Variants in SKAP1 observed in about 807,000 individuals in gnomAD.
The protein encoded by SKAP1 is src kinase associated phosphoprotein 1.
SKAP1 carries 44 observed loss-of-function variants against 58.5 expected under a neutral mutation model. The observed-to-expected ratio is 0.75, with a 90% CI of 0.59 to 0.97. The LOEUF (loss-of-function observed/expected upper bound fraction) is 0.97, where lower values mean the gene tolerates loss of function less well. SKAP1 is among the 50% of genes least tolerant of loss of function. The pLI, the probability that SKAP1 is intolerant of heterozygous loss-of-function variation, is 0.00. For synonymous variants in SKAP1, 127 were observed against 149.7 expected (o/e 0.85, Z 1.11); for missense variants, 390 against 435.2 (o/e 0.90, Z 0.92).
At chr17:48,303,588 C>T (rs749165535) in intron 4 of SKAP1, among the ~76,000 whole-genome samples, 7 of 152,250 alleles carry the variant, frequency 4.6e-5, no homozygotes, top group Admixed American at 6.5e-5. Context: ...TTAAAGGGAC[C>T]GCTTTCCTTC....
chr17:48,367,281 G>T (rs1364947901), intron 2 of SKAP1, among the ~76,000 whole-genome samples: 1 of 151,854 alleles, frequency 6.6e-6, no homozygotes, highest in Non-Finnish European at 1.5e-5. Context: ...TTTATTCCTG[G>T]TAATACTATA....
intron 4 of SKAP1, among the ~76,000 whole-genome samples, chr17:48,267,960 G>A (rs2065575371): frequency 6.6e-6 from 1 of 152,120 alleles, no homozygotes; most frequent in Non-Finnish European, 1.5e-5. Context: ...TTTTACAGAT[G>A]AGAAAAGCTA....
At chr17:48,155,533 G>C (rs1234731135) in intron 11 of SKAP1, among the ~76,000 whole-genome samples, 1 of 152,086 alleles carries the variant, frequency 6.6e-6, no homozygotes, top group Non-Finnish European at 1.5e-5. Context: ...CCAAATAGAG[G>C]CTTCTTACCT....
chr17:48,284,516 T>A (rs1190861139), intron 4 of SKAP1, among the ~76,000 whole-genome samples: 3 of 152,188 alleles, frequency 2.0e-5, no homozygotes, highest in Non-Finnish European at 1.5e-5. Context: ...TGGATATGAG[T>A]ACACAGGTGA....
At chr17:48,231,783 G>C (rs1567830508) in intron 4 of SKAP1, 1 of 152,146 alleles carries the variant, frequency 6.6e-6, no homozygotes. Context: ...CCTCACTGCA[G>C]GGTTAAGCAG....
chr17:48,347,174 G>A (rs1057110802), intron 3 of SKAP1, among the ~76,000 whole-genome samples: 13 of 152,060 alleles, frequency 8.5e-5, no homozygotes, highest in African/African-American at 2.9e-4. Context: ...CCAAATAGAG[G>A]TACAGTCTGC....
At chr17:48,277,013 G>C (rs1473569065) in intron 4 of SKAP1, among the ~76,000 whole-genome samples, 5 of 151,936 alleles carry the variant, frequency 3.3e-5, no homozygotes, top group Middle Eastern at 3.2e-3. Flanking sequence ...GTTTCCTTTT[G>C]GTAAAAAATA....
chr17:48,284,444 G>A (rs894569952), intron 4 of SKAP1, among the ~76,000 whole-genome samples: 1 of 152,152 alleles, frequency 6.6e-6, no homozygotes, highest in African/African-American at 2.4e-5. Flanking sequence ...AATGTACTCA[G>A]AGGCACATGG....
chr17:48,416,908 T>C lies in SKAP1; in HGVS notation c.46+13167A>G, dbSNP rs1013529855. Among the ~76,000 whole-genome samples, 13 of 152,322 alleles carry C rather than the reference T, an allele frequency of 8.5e-5. No homozygotes were observed. The East Asian group carries it at 1.5e-3, about 18-fold the overall frequency. On this transcript the variant is annotated intron_variant, in intron 1 of 12. Transcript: ENST00000336915. ...AAGACTTTAGTGTTTAATTTTCCTG[T>C]CCTATTAATTGAAACCTTCATGGAA... is the stretch of plus-strand genomic sequence containing the variant.
intron 4 of SKAP1, among the ~76,000 whole-genome samples, chr17:48,258,961 A>G: frequency 6.6e-6 from 1 of 152,162 alleles, no homozygotes; most frequent in Non-Finnish European, 1.5e-5. Context: ...CAAATAATTT[A>G]TCAGATTCAG....
At chr17:48,198,384 G>A (rs1242013365) in intron 4 of SKAP1, among the ~76,000 whole-genome samples, 4 of 149,302 alleles carry the variant, frequency 2.7e-5, no homozygotes, top group African/African-American at 4.9e-5. Flanking sequence ...GAACCCGGGA[G>A]GCGGAGCTTG....
chr17:48,242,539 A>G (rs1275294544), intron 4 of SKAP1, among the ~76,000 whole-genome samples: 2 of 152,212 alleles, frequency 1.3e-5, no homozygotes, highest in Admixed American at 1.3e-4. Context: ...AACCCTCAAC[A>G]GTGACAAGAA....
chr17:48,239,991 A>G (rs1446036765), intron 4 of SKAP1, among the ~76,000 whole-genome samples: 2 of 152,200 alleles, frequency 1.3e-5, no homozygotes, highest in African/African-American at 4.8e-5. Flanking sequence ...GATGTTAAAG[A>G]CCAAAGGTGG....
rs775235056 is a variant in SKAP1, at chr17:48,153,193, T to C, written c.978+9276A>G. Among the ~76,000 whole-genome samples, 5 of 152,208 alleles carry C rather than the reference T, an allele frequency of 3.3e-5. No individual in the cohort carries two copies. The East Asian group carries it at 9.6e-4, about 29-fold the overall frequency. ...TTTAAAAAATGGGTTTTAGAATAAA[T>C]GGTCAGGGTTTGCAGGATGGGTTGA... On this transcript the variant is annotated intron_variant, in intron 11 of 12. Transcript: ENST00000336915.
chr17:48,335,589 C>T (rs1036054202), intron 4 of SKAP1, among the ~76,000 whole-genome samples: 1 of 151,962 alleles, frequency 6.6e-6, no homozygotes, highest in African/African-American at 2.4e-5. Context: ...AGAAGGAATG[C>T]TACAATAATA....
At chr17:48,354,418 T>G (rs1367199218) in intron 3 of SKAP1, among the ~76,000 whole-genome samples, 1 of 152,220 alleles carries the variant, frequency 6.6e-6, no homozygotes, top group African/African-American at 2.4e-5. Flanking sequence ...ACAAGTAAAG[T>G]GCATAAATCT....
rs572233156 is a variant in SKAP1, at chr17:48,188,357, T to C, written c.359-431A>G. On this transcript the variant is annotated intron_variant, in intron 5 of 12. Transcript: ENST00000336915. ...GTTAAACCTGAGATGCCAACTCTAG[T>C]GGTACCTACTCTAATTAAATGAGTT... is the stretch of plus-strand genomic sequence containing the variant. 3.9e-5 allele frequency among the ~76,000 whole-genome samples: 6 copies of C among 152,312 alleles called. No individual in the cohort carries two copies. In the South Asian group the frequency reaches 1.0e-3, roughly 26 times the overall value.
In SKAP1 at chr17:48,421,565, G is replaced by A. The variant is rs951735867; in HGVS notation, c.46+8510C>T. Among the ~76,000 whole-genome samples, 7 of 152,076 alleles carry A rather than the reference G, an allele frequency of 4.6e-5. 1 individual carries two copies. In the East Asian group the frequency reaches 1.2e-3, roughly 25 times the overall value. Reference sequence around the variant, plus strand: ...GGTGATCTACCCACCTTGGCCTCCCGAAGTGCTGGGATTACAGGTGTAAGC... The same window carrying A: ...GGTGATCTACCCACCTTGGCCTCCCAAAGTGCTGGGATTACAGGTGTAAGC... On this transcript the variant is annotated intron_variant, in intron 1 of 12. Coordinates refer to ENST00000336915, the MANE Select transcript of SKAP1 (RefSeq NM_003726.4).
chr17:48,145,612 G>C (rs913205575), intron 11 of SKAP1, among the ~76,000 whole-genome samples: 36 of 152,140 alleles, frequency 2.4e-4, no homozygotes, highest in African/African-American at 8.7e-4. Flanking sequence ...CTGAGTCCCT[G>C]TGTGGTGCTG....
Sources: allele counts gnomAD v4.1 joint callset (sites outside exome capture counted in the v4.1 genomes callset), GRCh38; gene constraint gnomAD v4.1.1; transcripts MANE v1.5; gene names NCBI Gene and HGNC (gene_info 2026-07-23, HGNC 2026-07-21).